TST: variants seen among roughly 807,000 people sequenced by gnomAD.
TST encodes thiosulfate sulfurtransferase.
In TST, 22 loss-of-function variants were observed where a neutral mutation model predicts 20.4. The observed-to-expected ratio is 1.08, with a 90% CI of 0.77 to 1.54. The LOEUF (loss-of-function observed/expected upper bound fraction) is 1.54, where lower values mean the gene tolerates loss of function less well. Ranked by LOEUF, TST falls within the 40% of genes most tolerant of loss-of-function variation. The probability of loss-of-function intolerance (pLI) is 0.00; values close to 1 mark genes in which losing one functional copy is unlikely to be tolerated. For synonymous variants in TST, 187 were observed against 173.8 expected, an observed-to-expected ratio of 1.08 and a Z score of -0.60; for missense variants, 392 against 405.2, an observed-to-expected ratio of 0.97 and a Z score of 0.28.
At chr22:37,019,299 G>A (rs1922860574) in intron 1 of TST, 101 bp downstream of exon 1, 1 of 151,802 alleles carries the variant, frequency 6.6e-6, no homozygotes, top group African/African-American at 2.4e-5. Flanking sequence ...AGGGGTTCCC[G>A]GGGCACCCCG....
At chr22:37,019,958 G>T (rs1922937704), upstream of TST, 2 of 644,086 alleles carry the variant, frequency 3.1e-6, no homozygotes, top group Non-Finnish European at 4.5e-6. Context: ...TCCCGCGCGG[G>T]ACCTGGGCGG....
chr22:37,019,874 T>G, upstream of TST: 1 of 1,213,558 alleles, frequency 8.2e-7, no homozygotes, highest in Non-Finnish European at 1.0e-6. Context: ...GAGACCCGGG[T>G]AACTGCCGCG....
In TST at chr22:37,011,297, G is replaced by A. The variant is rs375560772; in HGVS notation, c.624C>T (p.Ala208=). 192 of 1,613,466 alleles carry A rather than the reference G, an allele frequency of 1.2e-4. 2 individuals carry two copies. Among genetic ancestry groups the A allele is most frequent in the Admixed American group, 9.8e-4 (59 of 59,998 alleles). ...VGLDSGHIRG[A]VNMPFMDFLT... ...GGAAGTCCATGAAAGGCATGTTGAC[G>A]GCACCACGGATATGGCCCGAGTCCA... The change falls in exon 3 of 3, where the codon GCC becomes GCT. Residue 208 remains alanine, a synonymous_variant. Transcript: ENST00000249042.
intron 2 of TST, among the ~76,000 whole-genome samples, chr22:37,015,627 C>T (rs1159081022): frequency 3.3e-5 from 5 of 152,252 alleles, no homozygotes; most frequent in Non-Finnish European, 5.9e-5. Flanking sequence ...CTAAGCTCTG[C>T]TTCTCGCTCC....
chr22:37,016,831 A>G (rs1263308033), intron 2 of TST, among the ~76,000 whole-genome samples: 1 of 152,236 alleles, frequency 6.6e-6, no homozygotes, highest in Non-Finnish European at 1.5e-5. Context: ...GAAAGGGCAG[A>G]GACCCTGCTG....
Position 37,018,241 on chromosome 22 carries a change from G to A in TST, c.492C>T (p.Thr164=). 1 of 1,614,018 alleles carries A rather than the reference G, an allele frequency of 6.2e-7. No individual in the cohort carries two copies. Among genetic ancestry groups the A allele is most frequent in the African/African-American group, 1.3e-5 (1 of 75,046 alleles). ...KATLDRSLLK[T]YEQVLENLES... is the part of the protein sequence containing the mutation. ...CAAGGTTCTCCAGCACCTGCTCGTA[G>A]GTCTTGAGCAGGGAGCGGTCCAGTG... Residue 164 remains threonine (T), a synonymous_variant, in exon 2 of 3, where the codon ACC becomes ACT. Coordinates refer to ENST00000249042, the MANE Select transcript of TST (RefSeq NM_003312.6).
At chr22:37,012,505 G>T (rs1922514935) in intron 2 of TST, among the ~76,000 whole-genome samples, 1 of 152,206 alleles carries the variant, frequency 6.6e-6, no homozygotes, top group Non-Finnish European at 1.5e-5. Context: ...TCTATGGTTG[G>T]CCCCACTCCC....
At chr22:37,013,680 C>T (rs1268567771) in intron 2 of TST, among the ~76,000 whole-genome samples, 2 of 152,172 alleles carry the variant, frequency 1.3e-5, no homozygotes, top group Non-Finnish European at 2.9e-5. Context: ...TTGTGTTTCA[C>T]CTGCTTTGCC....
In TST at chr22:37,018,606, C is replaced by G; in HGVS notation, c.127G>C (p.Glu43Gln). The change falls in exon 2 of 3, where the codon GAG (glutamate) becomes CAG (glutamine). Residue 43 changes from glutamate to glutamine, a missense_variant. Glu to Gln is a conservative substitution (Grantham distance 29). Transcript: ENST00000249042. Reference protein sequence around the residue: ...DASWYSPGTREARKEYLERHV... With the variant: ...DASWYSPGTRQARKEYLERHV... ...CGCTCGAGGTACTCCTTGCGGGCCT[C>G]TCGGGTGCCTGGTGAGTACCAGGAC... is the stretch of plus-strand genomic sequence containing the variant. 6 of 1,566,692 alleles carry G rather than the reference C, an allele frequency of 3.8e-6. No individual in the cohort carries two copies. The highest frequency in any genetic ancestry group is 1.2e-5 in the South Asian group (1 of 85,828).
In TST at chr22:37,018,616, T is replaced by A; in HGVS notation, c.117A>T (p.Pro39=). The change falls in exon 2 of 3, where the codon CCA becomes CCT. Residue 39 remains proline (P), a synonymous_variant. Transcript: ENST00000249042. ...ACTCCTTGCGGGCCTCTCGGGTGCC[T>A]GGTGAGTACCAGGACGCGTCCAGCA... The part of the protein sequence containing the change: ...LRVLDASWYS[P]GTREARKEYL... 6.4e-7 allele frequency: 1 copy of A among 1,571,652 alleles called. No individual in the cohort carries two copies. Among genetic ancestry groups the A allele is most frequent in the Non-Finnish European group, 8.6e-7 (1 of 1,159,188 alleles).
chr22:37,019,731 G>C (rs1355145237), upstream of TST: 1 of 469,316 alleles, frequency 2.1e-6, no homozygotes, highest in Non-Finnish European at 3.4e-6. Flanking sequence ...GAGTGGCCGC[G>C]GCGGTGGGCT....
intron 2 of TST, among the ~76,000 whole-genome samples, chr22:37,015,488 C>T (rs987445285): frequency 6.6e-6 from 1 of 152,250 alleles, no homozygotes; most frequent in African/African-American, 2.4e-5. Flanking sequence ...TGAGGCTAAG[C>T]ATCAGTATCA....
At chr22:37,016,086 G>A (rs1385720990) in intron 2 of TST, among the ~76,000 whole-genome samples, 5 of 151,738 alleles carry the variant, frequency 3.3e-5, no homozygotes, top group Admixed American at 3.3e-4. Context: ...TAGGATTACA[G>A]GCACGTACCA....
chr22:37,016,017 C>G (rs886307046), intron 2 of TST, among the ~76,000 whole-genome samples: 1 of 139,902 alleles, frequency 7.1e-6, no homozygotes, highest in East Asian at 2.1e-4. Flanking sequence ...GATCTTGGCT[C>G]ACTGCAACCT....
intron 1 of TST, 123 bp from the exon 2 acceptor site, chr22:37,018,876 G>T: frequency 1.5e-6 from 1 of 687,398 alleles, no homozygotes; most frequent in Non-Finnish European, 2.2e-6. Context: ...CTTGTTTACA[G>T]CAAGCCAGCG....
Position 37,011,298 on chromosome 22 carries a change from G to A in TST, c.623C>T (p.Ala208Val), listed in dbSNP as rs1260915071. The A allele has an allele frequency of 6.2e-7, 1 of 1,613,552 alleles. No individual in the cohort carries two copies. The highest frequency in any genetic ancestry group is 1.7e-5 in the Admixed American group (1 of 60,024). Reference protein sequence around the residue: ...VGLDSGHIRGAVNMPFMDFLT... With the variant: ...VGLDSGHIRGVVNMPFMDFLT... Reference sequence around the variant, plus strand: ...GAAGTCCATGAAAGGCATGTTGACGGCACCACGGATATGGCCCGAGTCCAG... The same window carrying A: ...GAAGTCCATGAAAGGCATGTTGACGACACCACGGATATGGCCCGAGTCCAG... Residue 208 changes from alanine to valine, a missense_variant, in exon 3 of 3, where the codon GCC becomes GTC. Transcript: ENST00000249042.
At chr22:37,012,342 T>C (rs1364266344) in intron 2 of TST, among the ~76,000 whole-genome samples, 4 of 152,188 alleles carry the variant, frequency 2.6e-5, no homozygotes, top group Non-Finnish European at 5.9e-5. Flanking sequence ...CTCGGCCAAA[T>C]CTGGCTTCAG....
At position 37,011,199 on chromosome 22, in the gene TST, G is replaced by A. The variant is rs140912272; in HGVS notation, c.722C>T (p.Ser241Leu). The change falls in exon 3 of 3, where the codon TCG (serine) becomes TTG (leucine). Residue 241 changes from serine (S) to leucine (L), a missense_variant. Physicochemically the swap from Ser to Leu is moderately radical, Grantham distance 145. Transcript: ENST00000249042. ...ALFQTKKVDLSQPLIATCRKG... is the reference protein window; with the variant it reads ...ALFQTKKVDLLQPLIATCRKG... ...GCGGCACGTGGCAATGAGAGGCTGC[G>A]AGAGATCCACCTTCTTGGTCTGGAA... 180 of 1,613,818 alleles carry A rather than the reference G, an allele frequency of 1.1e-4. No homozygotes were observed. The highest frequency in any genetic ancestry group is 1.4e-4 in the Non-Finnish European group (166 of 1,180,018).
intron 2 of TST, among the ~76,000 whole-genome samples, chr22:37,015,808 C>A (rs1425946743): frequency 6.6e-6 from 1 of 152,070 alleles, no homozygotes; most frequent in Admixed American, 6.5e-5. Flanking sequence ...GCCTTTGTGT[C>A]CCCAAAATAT....
Sources: gnomAD v4.1 joint callset for allele counts (sites outside exome capture counted in the v4.1 genomes callset) on GRCh38, gnomAD v4.1.1 for gene constraint, MANE v1.5 for transcripts, NCBI Gene and HGNC (gene_info 2026-07-23, HGNC 2026-07-21) for gene names.